GCGR: variants seen among roughly 807,000 people sequenced by gnomAD.
The protein encoded by GCGR is glucagon receptor.
In GCGR, 41 loss-of-function variants were observed where a neutral mutation model predicts 56.1. The ratio of observed to expected loss-of-function variants is 0.73; its 90% CI spans 0.57 to 0.95. GCGR has a LOEUF of 0.95. GCGR is among the 40% of genes least tolerant of loss of function. GCGR has a pLI of 0.00. For synonymous variants in GCGR, 278 were observed against 271.1 expected, an observed-to-expected ratio of 1.03 and a Z score of -0.25; for missense variants, 595 against 638.2, an observed-to-expected ratio of 0.93 and a Z score of 0.73.
At position 81,806,178 on chromosome 17, in the gene GCGR, T is replaced by C. The variant is rs531135253; in HGVS notation, c.-178+1929T>C. Among the ~76,000 whole-genome samples, 27 of 152,154 alleles carry C rather than the reference T, an allele frequency of 1.8e-4. No homozygotes were observed. The highest frequency in any genetic ancestry group is 1.1e-3 in the Admixed American group (17 of 15,290). ...CCCCCCCCGGCTCCACCCACCCCTG[T>C]TGGGGTGAGGAGCTGGAGTCTCCCT... On this transcript the variant is annotated intron_variant, in intron 1 of 13. Transcript: ENST00000400723. The surrounding 1 kb of genome is among the most constrained non-coding windows in gnomAD (Gnocchi z 6.5).
In GCGR at chr17:81,813,810, C is replaced by T. The variant is rs527344460; in HGVS notation, c.*121C>T. 45 of 876,998 alleles carry T rather than the reference C, an allele frequency of 5.1e-5. No homozygotes were observed. In the African/African-American group the frequency reaches 6.9e-4, roughly 13 times the overall value. The allele number at this position is 876,998 out of a possible 1,614,324, so 54.3% of individuals were successfully genotyped here. On this transcript the variant is annotated 3_prime_UTR_variant, in exon 14 of 14. Coordinates refer to ENST00000400723, the MANE Select transcript of GCGR (RefSeq NM_000160.5). This position sits in a 1 kb window ranked among gnomAD's most constrained non-coding sequence, Gnocchi z 5.3. ...GGAGCCAACAGCAGCCCCCACCTAC[C>T]CCCCACCCCCAGTGTGGCTGTCTGC...
In GCGR at chr17:81,804,660, G is replaced by C. The variant is rs1160161060; in HGVS notation, c.-178+411G>C. 2.6e-5 allele frequency among the ~76,000 whole-genome samples: 4 copies of C among 152,074 alleles called. No homozygotes were observed. The highest frequency in any genetic ancestry group is 5.9e-5 in the Non-Finnish European group (4 of 67,988). ...GTCCCCGAGGCGCGGGGTCTCACCA[G>C]CGCTGTCTCCCCTCGGTGGGCTCCT... On this transcript the variant is annotated intron_variant, in intron 1 of 13. Coordinates refer to ENST00000400723, the MANE Select transcript of GCGR (RefSeq NM_000160.5). The surrounding 1 kb of genome is among the most constrained non-coding windows in gnomAD (Gnocchi z 8.2).
Position 81,811,537 on chromosome 17 carries a change from G to A in GCGR, c.634G>A (p.Val212Ile). The A allele has an allele frequency of 6.5e-7, 1 of 1,536,522 alleles. No homozygotes were observed. Among genetic ancestry groups the A allele is most frequent in the East Asian group, 2.4e-5 (1 of 40,910 alleles). The change falls in exon 7 of 14, where the codon GTC (valine) becomes ATC (isoleucine). Residue 212 changes from valine to isoleucine, a missense_variant. Physicochemically the swap from Val to Ile is conservative, Grantham distance 29 (BLOSUM62 3). Transcript: ENST00000400723. The surrounding 1 kb of genome is among the most constrained non-coding windows in gnomAD (Gnocchi z 5.8). ...CCAGAAAATTGGCGACGACCTCAGT[G>A]TCAGCACCTGGCTCAGTGATGGAGT... ...YSQKIGDDLS[V>I]STWLSDGAVA...
Position 81,813,354 on chromosome 17 carries a change from T to C in GCGR, c.1219-120T>C, listed in dbSNP as rs2038143033. ...ATAGCTGTGCCCAGCAGGGAGCTTG[T>C]GTCGCTCTGCACCCCTCAGAGCGGA... On this transcript the variant is annotated intron_variant, in intron 13 of 13. Transcript: ENST00000400723. This position sits in a 1 kb window ranked among gnomAD's most constrained non-coding sequence, Gnocchi z 5.3. The C allele has an allele frequency of 1.0e-6, 1 of 999,512 alleles. No homozygotes were observed. The highest frequency in any genetic ancestry group is 2.4e-5 in the Admixed American group (1 of 42,504). 61.9% of individuals were successfully genotyped at this position (999,512 alleles called of 1,614,324 possible).
Position 81,812,524 on chromosome 17 carries a change from A to C in GCGR, c.949-53A>C. 3 of 1,497,504 alleles carry C rather than the reference A, an allele frequency of 2.0e-6. No individual in the cohort carries two copies. The highest frequency in any genetic ancestry group is 1.4e-5 in the African/African-American group (1 of 72,328). 92.8% of individuals were successfully genotyped at this position (1,497,504 alleles called of 1,614,324 possible). A position where few individuals can be genotyped will look rare whatever the true frequency, so the allele number is the denominator to read the frequency against. On this transcript the variant is annotated intron_variant, in intron 10 of 13. Coordinates refer to ENST00000400723, the MANE Select transcript of GCGR (RefSeq NM_000160.5). The surrounding 1 kb of genome is among the most constrained non-coding windows in gnomAD (Gnocchi z 8.5). ...GTCAGGTGGGGCCTTCCAAGGGCACAGAGCTGTTCCCTGGGGCTCGGGATG... is the reference window on the plus strand; with the variant it reads ...GTCAGGTGGGGCCTTCCAAGGGCACCGAGCTGTTCCCTGGGGCTCGGGATG...
rs2037916592 is a variant in GCGR, at chr17:81,804,810, G to C, written c.-178+561G>C. ...CTTTGACCCCGGCAAGCGGGTCACT[G>C]CCCTGCCCGGCTCCGGCCCCCCCGG... On this transcript the variant is annotated intron_variant, in intron 1 of 13. Coordinates refer to ENST00000400723, the MANE Select transcript of GCGR (RefSeq NM_000160.5). The surrounding 1 kb of genome is among the most constrained non-coding windows in gnomAD (Gnocchi z 8.2). 6.6e-6 allele frequency among the ~76,000 whole-genome samples: 1 copy of C among 152,140 alleles called. No homozygotes were observed. Among genetic ancestry groups the C allele is most frequent in the African/African-American group, 2.4e-5 (1 of 41,450 alleles).
At chr17:81,809,155 C>CCTGCCTGT in intron 2 of GCGR, 77 bp downstream of exon 2, 1 of 1,444,202 alleles carries the variant, frequency 6.9e-7, no homozygotes, top group Non-Finnish European at 9.3e-7. Context: ...TGTCTGCCTG[C>CCTGCCTGT]CTGCCTGCCT....
intron 1 of GCGR, among the ~76,000 whole-genome samples, chr17:81,805,513 G>A (rs1382565644): frequency 6.6e-6 from 1 of 151,156 alleles, no homozygotes; most frequent in Non-Finnish European, 1.5e-5. Flanking sequence ...TGGGCACCTC[G>A]GGAACCCCCC....
In GCGR at chr17:81,811,346, C is replaced by T. The variant is rs1025874768; in HGVS notation, c.500+18C>T. On this transcript the variant is annotated intron_variant, in intron 6 of 13. Transcript: ENST00000400723. The surrounding 1 kb of genome is among the most constrained non-coding windows in gnomAD (Gnocchi z 5.8). ...GGCCTCAGGTAGGATTCCGCCAGCG[C>T]CCGGGGCGGCCGCAGAGGACAGGGA... 6.5e-7 allele frequency: 1 copy of T among 1,534,526 alleles called. No homozygotes were observed. The highest frequency in any genetic ancestry group is 8.7e-7 in the Non-Finnish European group (1 of 1,145,548).
rs769527231 is a variant in GCGR at position 81,809,064 on chromosome 17, C to CTGCT, written c.47_50dup (p.Cys19GlyfsTer17). 2.5e-5 allele frequency: 38 copies of CTGCT among 1,535,968 alleles called. No individual in the cohort carries two copies. Among genetic ancestry groups the CTGCT allele is most frequent in the Non-Finnish European group, 3.3e-5 (38 of 1,146,858 alleles). On this transcript the variant is annotated frameshift_variant, in exon 2 of 14. Transcript: ENST00000400723. LOFTEE classifies it high-confidence loss of function. ...GCGACCCCTGCTGCTGTTGCTGCTGCTGCTGGCCTGCCAGGTGAGGACTCA... is the reference window on the plus strand; with the variant it reads ...GCGACCCCTGCTGCTGTTGCTGCTGCTGCTTGCTGGCCTGCCAGGTGAGGACTCA...
chr17:81,810,419 C>G lies in GCGR; in HGVS notation c.164-406C>G. On this transcript the variant is annotated intron_variant, in intron 3 of 13. Coordinates refer to ENST00000400723, the MANE Select transcript of GCGR (RefSeq NM_000160.5). This position sits in a 1 kb window ranked among gnomAD's most constrained non-coding sequence, Gnocchi z 4.6. ...GCAGAGGGAGCAGATGTGGCAGCCA[C>G]AGGTTTGGCGATGCACCTGGGAAGG... The G allele has an allele frequency of 3.0e-6, 1 of 337,836 alleles. No individual in the cohort carries two copies. The highest frequency in any genetic ancestry group is 5.6e-6 in the Non-Finnish European group (1 of 177,034). The allele number at this position is 337,836 out of a possible 1,614,324, so 20.9% of individuals were successfully genotyped here.
chr17:81,808,839 T>C lies in GCGR; in HGVS notation c.-177-3T>C. 1 of 730,892 alleles carries C rather than the reference T, an allele frequency of 1.4e-6. No individual in the cohort carries two copies. The highest frequency in any genetic ancestry group is 1.7e-5 in the South Asian group (1 of 58,486). 45.3% of individuals were successfully genotyped at this position (730,892 alleles called of 1,614,324 possible). On this transcript the variant is annotated splice_region_variant and splice_polypyrimidine_tract_variant and intron_variant, in intron 1 of 13. Coordinates refer to ENST00000400723, the MANE Select transcript of GCGR (RefSeq NM_000160.5). ...CGGCCCCCAGCTCCCTCTTTATCCC[T>C]AGGACCCTGAGGCTCAGAGGGGCAG...
rs1470441831 is a variant in GCGR at position 81,804,293 on chromosome 17, A to T, written c.-178+44A>T. ...GCCCCGAGGGGACGTTGGGGAGTCGACCCGGTGGGGACAGAGACCGCGGGG... is the reference window on the plus strand; with the variant it reads ...GCCCCGAGGGGACGTTGGGGAGTCGTCCCGGTGGGGACAGAGACCGCGGGG... On this transcript the variant is annotated intron_variant, in intron 1 of 13. Transcript: ENST00000400723. This position sits in a 1 kb window ranked among gnomAD's most constrained non-coding sequence, Gnocchi z 8.2. 1 of 150,974 alleles carries T rather than the reference A, an allele frequency of 6.6e-6. No individual in the cohort carries two copies. Among genetic ancestry groups the T allele is most frequent in the Non-Finnish European group, 1.5e-5 (1 of 67,546 alleles). The allele number at this position is 150,974 out of a possible 1,614,324, so 9.4% of individuals were successfully genotyped here.
chr17:81,811,203 A>C lies in GCGR; in HGVS notation c.394-19A>C, dbSNP rs975660031. On this transcript the variant is annotated intron_variant, in intron 5 of 13. Transcript: ENST00000400723. This position sits in a 1 kb window ranked among gnomAD's most constrained non-coding sequence, Gnocchi z 5.8. Reference sequence around the variant, plus strand: ...ATGGGGGCCCCTGCCTGGCCCTCACAGGCCACTGTAACTCGCAGAAGGAGG... The same window carrying C: ...ATGGGGGCCCCTGCCTGGCCCTCACCGGCCACTGTAACTCGCAGAAGGAGG... 4 of 1,536,146 alleles carry C rather than the reference A, an allele frequency of 2.6e-6. No individual in the cohort carries two copies. Among genetic ancestry groups the C allele is most frequent in the Non-Finnish European group, 2.6e-6 (3 of 1,146,786 alleles).
In GCGR at chr17:81,810,524, G is replaced by T. The variant is rs556135750; in HGVS notation, c.164-301G>T. On this transcript the variant is annotated intron_variant, in intron 3 of 13. Transcript: ENST00000400723. This position sits in a 1 kb window ranked among gnomAD's most constrained non-coding sequence, Gnocchi z 4.6. ...ACGGAGAATGGGGGACCCCAGTGTG[G>T]GTTTGGGGCACATTTGAGATGGGGG... 1.4e-5 allele frequency: 7 copies of T among 518,052 alleles called. No homozygotes were observed. The highest frequency in any genetic ancestry group is 2.5e-5 in the Non-Finnish European group (7 of 284,982). 32.1% of individuals were successfully genotyped at this position (518,052 alleles called of 1,614,324 possible).
rs1006414928 is a variant in GCGR at position 81,804,713 on chromosome 17, C to T, written c.-178+464C>T. On this transcript the variant is annotated intron_variant, in intron 1 of 13. Coordinates refer to ENST00000400723, the MANE Select transcript of GCGR (RefSeq NM_000160.5). The surrounding 1 kb of genome is among the most constrained non-coding windows in gnomAD (Gnocchi z 8.2). ...CCCGAGGACTGCCCGGTGGCACCGG[C>T]GCGGCCCAGGATGGGGTGAGGGGTG... Among the ~76,000 whole-genome samples the T allele has an allele frequency of 4.6e-5, 7 of 152,090 alleles. No individual in the cohort carries two copies. Among genetic ancestry groups the T allele is most frequent in the Non-Finnish European group, 8.8e-5 (6 of 67,998 alleles).
Position 81,810,910 on chromosome 17 carries a change from G to A in GCGR, c.249G>A (p.Trp83Ter), listed in dbSNP as rs2038079755. The change falls in exon 4 of 14, where the codon TGG (tryptophan) becomes TGA (stop). Residue 83 changes from tryptophan (W) to a stop codon, truncating the protein, a stop_gained. Transcript: ENST00000400723. LOFTEE classifies it high-confidence loss of function. This position sits in a 1 kb window ranked among gnomAD's most constrained non-coding sequence, Gnocchi z 4.6. The part of the protein sequence containing the change: ...ANTTANISCP[W>*]YLPWHHKVQH... ...CCACGGCCAACATCTCCTGCCCCTG[G>A]TACCTGCCTTGGCACCACAAAGGTA... is the stretch of plus-strand genomic sequence containing the variant. The A allele has an allele frequency of 1.3e-6, 2 of 1,533,528 alleles. No individual in the cohort carries two copies. Among genetic ancestry groups the A allele is most frequent in the Non-Finnish European group, 1.7e-6 (2 of 1,145,088 alleles). The allele number at this position is 1,533,528 out of a possible 1,614,324, so 95.0% of individuals were successfully genotyped here. A position where few individuals can be genotyped will look rare whatever the true frequency, so the allele number is the denominator to read the frequency against.
chr17:81,809,484 TGTCC>T (rs2038041112), intron 2 of GCGR, among the ~76,000 whole-genome samples: 1 of 143,292 alleles, frequency 7.0e-6, no homozygotes. Flanking sequence ...TCTGCCTGCC[TGTCC>T]GTCTGCCTGT....
In GCGR at chr17:81,812,925, C is replaced by T. The variant is rs2038133784; in HGVS notation, c.1156C>T (p.Leu386Phe). Residue 386 changes from leucine to phenylalanine, a missense_variant, in exon 12 of 14, where the codon CTC becomes TTC. Coordinates refer to ENST00000400723, the MANE Select transcript of GCGR (RefSeq NM_000160.5). The surrounding 1 kb of genome is among the most constrained non-coding windows in gnomAD (Gnocchi z 8.5). ...TLRSAKLFFD[L>F]FLSSFQGLLV... is the part of the protein sequence containing the mutation. ...GCGCTCCGCCAAGCTCTTCTTCGAC[C>T]TCTTCCTCAGCTCCTTCCAGGTGCC... 2.0e-6 allele frequency: 3 copies of T among 1,536,068 alleles called. No individual in the cohort carries two copies. Among genetic ancestry groups the T allele is most frequent in the Non-Finnish European group, 2.6e-6 (3 of 1,146,718 alleles).
Sources: gnomAD v4.1 joint callset for allele counts (sites outside exome capture counted in the v4.1 genomes callset) on GRCh38, gnomAD v4.1.1 for gene constraint, Gnocchi (gnomAD v3.1) non-coding constraint, MANE v1.5 for transcripts, NCBI Gene and HGNC (gene_info 2026-07-23, HGNC 2026-07-21) for gene names.